The following GALNT1 variants were observed in gnomAD, a reference collection of about 807,000 sequenced individuals.
GALNT1 encodes GalNAc transferase 1.
Under a neutral mutation model 65.7 loss-of-function variants are expected in GALNT1, and 17 were observed. The observed-to-expected ratio is 0.26, with a 90% CI of 0.18 to 0.39. The LOEUF is 0.39. Ranked by LOEUF, GALNT1 falls within the 10% of genes least tolerant of loss-of-function variation. The pLI, the probability that GALNT1 is intolerant of heterozygous loss-of-function variation, is 1.00. For synonymous variants in GALNT1, 210 were observed against 219.7 expected (o/e 0.96, Z 0.39); for missense variants, 460 against 672.8 (o/e 0.68, Z 3.50).
At chr18:35,646,265 C>T (rs1039698903) in intron 1 of GALNT1, among the ~76,000 whole-genome samples, 4 of 152,142 alleles carry the variant, frequency 2.6e-5, no homozygotes, top group Non-Finnish European at 5.9e-5. Flanking sequence ...AAATCTGCCC[C>T]CATGATCCTT....
chr18:35,641,133 CT>C (rs1199477814), intron 1 of GALNT1, among the ~76,000 whole-genome samples: 3 of 152,130 alleles, frequency 2.0e-5, no homozygotes, highest in Admixed American at 2.0e-4. Context: ...GACAAAGATA[CT>C]TCTTTTTTAT....
chr18:35,654,806 G>A lies in GALNT1; in HGVS notation c.139+5G>A. On this transcript the variant is annotated splice_donor_5th_base_variant and intron_variant, in intron 2 of 11. Coordinates refer to ENST00000269195, the MANE Select transcript of GALNT1 (RefSeq NM_020474.4). The stretch of plus-strand genomic sequence containing the variant: ...GAGGACTTCCTGCTGGAGATGGTGA[G>A]TGACATTTTATAATAGAGCTGTTTT... 6.5e-7 allele frequency: 1 copy of A among 1,546,930 alleles called. No individual in the cohort carries two copies. The highest frequency in any genetic ancestry group is 8.7e-7 in the Non-Finnish European group (1 of 1,143,566).
intron 1 of GALNT1, among the ~76,000 whole-genome samples, chr18:35,626,063 A>C (rs2046912816): frequency 6.6e-6 from 1 of 152,046 alleles, no homozygotes; most frequent in Non-Finnish European, 1.5e-5. Flanking sequence ...TGTTTTGTCC[A>C]CTTGAGATAT....
At chr18:35,704,554 C>T (rs573012382) in intron 11 of GALNT1, among the ~76,000 whole-genome samples, 86 of 152,168 alleles carry the variant, frequency 5.7e-4, no homozygotes, top group African/African-American at 1.9e-3. Context: ...GCGATCCACC[C>T]GCCTCAGTCT....
chr18:35,595,381 C>T (rs2046492996), intron 1 of GALNT1, among the ~76,000 whole-genome samples: 1 of 152,118 alleles, frequency 6.6e-6, no homozygotes, highest in South Asian at 2.1e-4. Context: ...GTGGCTGATC[C>T]AATCATACCA....
chr18:35,695,514 T>C (rs2048041184), intron 9 of GALNT1, among the ~76,000 whole-genome samples: 1 of 152,002 alleles, frequency 6.6e-6, no homozygotes, highest in Admixed American at 6.6e-5. Context: ...AAATGTAAGA[T>C]AAGGGAAAGC....
intron 5 of GALNT1, among the ~76,000 whole-genome samples, chr18:35,685,128 A>T (rs1466420039): frequency 1.3e-5 from 2 of 152,176 alleles, no homozygotes; most frequent in African/African-American, 4.8e-5. Flanking sequence ...TGAAAACCAG[A>T]AAAGTACTAC....
intron 1 of GALNT1, among the ~76,000 whole-genome samples, chr18:35,634,373 G>T (rs935081279): frequency 6.6e-6 from 1 of 152,120 alleles, no homozygotes; most frequent in Admixed American, 6.6e-5. Flanking sequence ...TATGCTGATT[G>T]TGTGGGGGTT....
intron 11 of GALNT1, among the ~76,000 whole-genome samples, 180 bp from the exon 12 acceptor site, chr18:35,709,436 TTCTCTCTC>T (rs58566456): frequency 4.7e-5 from 7 of 148,496 alleles, no homozygotes; most frequent in South Asian, 2.2e-4. Flanking sequence ...ATCTACCTAC[TTCTCTCTC>T]TCTCTCTCTC....
chr18:35,614,312 T>G (rs2046755786), intron 1 of GALNT1, among the ~76,000 whole-genome samples: 1 of 152,142 alleles, frequency 6.6e-6, no homozygotes, highest in South Asian at 2.1e-4. Context: ...ACTATTAATG[T>G]AATTATCGAC....
upstream of GALNT1, chr18:35,581,382 A>G (rs978851674): frequency 6.8e-6 from 1 of 147,444 alleles, no homozygotes; most frequent in Non-Finnish European, 1.5e-5. Flanking sequence ...GCCCGAGGGG[A>G]GCGTCGCGGC....
intron 10 of GALNT1, 124 bp downstream of exon 10, chr18:35,703,119 T>C: frequency 3.4e-6 from 2 of 592,292 alleles, no homozygotes; most frequent in East Asian, 2.9e-5. Flanking sequence ...TAATAAAGAC[T>C]TTTAGGTGAA....
intron 1 of GALNT1, among the ~76,000 whole-genome samples, chr18:35,635,533 A>G (rs1319292021): frequency 6.6e-6 from 1 of 152,250 alleles, no homozygotes; most frequent in Non-Finnish European, 1.5e-5. Flanking sequence ...CCGTGACTCC[A>G]GGAATCCCCT....
intron 1 of GALNT1, among the ~76,000 whole-genome samples, chr18:35,648,221 G>A (rs142069237): frequency 6.6e-6 from 1 of 152,214 alleles, no homozygotes; most frequent in Non-Finnish European, 1.5e-5. Context: ...TTGACTTTGT[G>A]AGAGTGTAAA....
intron 4 of GALNT1, among the ~76,000 whole-genome samples, chr18:35,679,980 G>A (rs966933765): frequency 2.0e-5 from 3 of 152,038 alleles, no homozygotes; most frequent in Admixed American, 1.3e-4. Context: ...GTTCACCATG[G>A]TGCCTCCAGA....
chr18:35,648,488 AG>A (rs1488878864), intron 1 of GALNT1, among the ~76,000 whole-genome samples: 4 of 152,226 alleles, frequency 2.6e-5, no homozygotes. Context: ...TCATAAGTCG[AG>A]AAGCATCTGT....
At chr18:35,617,970 A>G (rs1598785118) in intron 1 of GALNT1, among the ~76,000 whole-genome samples, 2 of 151,842 alleles carry the variant, frequency 1.3e-5, no homozygotes, top group East Asian at 1.9e-4. Context: ...AGGGTTCTTT[A>G]TAATGAAACC....
At chr18:35,613,221 G>A (rs1465738212) in intron 1 of GALNT1, among the ~76,000 whole-genome samples, 1 of 152,160 alleles carries the variant, frequency 6.6e-6, no homozygotes, top group African/African-American at 2.4e-5. Flanking sequence ...TGAGTGCCTA[G>A]AATATATTTG....
chr18:35,657,790 CAGT>C (rs761279949), intron 2 of GALNT1, among the ~76,000 whole-genome samples: 17 of 152,146 alleles, frequency 1.1e-4, no homozygotes, highest in Non-Finnish European at 1.8e-4. Context: ...ACTGGAGAAA[CAGT>C]AGGGATGTGG....
Sources: gnomAD v4.1 joint callset for allele counts (sites outside exome capture counted in the v4.1 genomes callset) on GRCh38, gnomAD v4.1.1 for gene constraint, MANE v1.5 for transcripts, NCBI Gene and HGNC (gene_info 2026-07-23, HGNC 2026-07-21) for gene names.